SPMAP2L: variants seen among roughly 807,000 people sequenced by gnomAD.
SPMAP2L encodes sperm microtubule associated protein 2 like.
the SPMAP2L span, among the ~76,000 whole-genome samples, chr4:56,574,876 G>A: frequency 0.02 from 3,000 of 152,172 alleles, 118 homozygotes; most frequent in African/African-American, 0.068. Flanking sequence ...CAGCTACTCG[G>A]GAGGCTGAGG....
At chr4:56,545,278 T>C in the SPMAP2L span, among the ~76,000 whole-genome samples, 1 of 152,184 alleles carries the variant, frequency 6.6e-6, no homozygotes, top group East Asian at 1.9e-4. Context: ...TGACTATTTT[T>C]CTCTTTCCTT....
the SPMAP2L span, among the ~76,000 whole-genome samples, chr4:56,568,878 A>C: frequency 6.6e-6 from 1 of 152,164 alleles, no homozygotes; most frequent in African/African-American, 2.4e-5. Context: ...AAGTGTACTT[A>C]TTCTGGTAAT....
At chr4:56,595,503 A>C in the SPMAP2L span, 1 of 1,546,156 alleles carries the variant, frequency 6.5e-7, no homozygotes, top group South Asian at 1.1e-5. Context: ...AGATGTCTCC[A>C]CACTCCCTGA....
At chr4:56,603,581 T>C in the SPMAP2L span, 9 of 303,548 alleles carry the variant, frequency 3.0e-5, no homozygotes, top group Admixed American at 2.8e-4. Flanking sequence ...TCCTTACTGT[T>C]TCCTCACAAG....
the SPMAP2L span, chr4:56,593,508 G>C: frequency 6.2e-7 from 1 of 1,601,060 alleles, no homozygotes; most frequent in South Asian, 1.1e-5. Flanking sequence ...GAGCTCATCA[G>C]AGTGGGAGCC....
At chr4:56,563,619 G>C in the SPMAP2L span, among the ~76,000 whole-genome samples, 1 of 152,016 alleles carries the variant, frequency 6.6e-6, no homozygotes, top group African/African-American at 2.4e-5. Context: ...CCAGTTTAAG[G>C]TGGCCATTTC....
the SPMAP2L span, among the ~76,000 whole-genome samples, chr4:56,581,086 A>G: frequency 6.6e-6 from 1 of 152,116 alleles, no homozygotes; most frequent in Non-Finnish European, 1.5e-5. Context: ...AGAAAGTAAG[A>G]TGGCTGTTGC....
chr4:56,536,351 C>T, the SPMAP2L span, among the ~76,000 whole-genome samples: 15 of 152,244 alleles, frequency 9.9e-5, no homozygotes, highest in Non-Finnish European at 1.8e-4. Context: ...GATCATTTCA[C>T]TTGCTTTCTC....
chr4:56,606,230 CAT>C, the SPMAP2L span, among the ~76,000 whole-genome samples: 1 of 152,190 alleles, frequency 6.6e-6, no homozygotes, highest in African/African-American at 2.4e-5. Flanking sequence ...GTAGTGGGAA[CAT>C]ATGTTAAGTG....
the SPMAP2L span, among the ~76,000 whole-genome samples, chr4:56,613,242 G>T: frequency 6.6e-6 from 1 of 152,088 alleles, no homozygotes; most frequent in Non-Finnish European, 1.5e-5. Flanking sequence ...TTCCATCTGG[G>T]AGGGGTTGCC....
At chr4:56,589,163 ATTT>A in the SPMAP2L span, among the ~76,000 whole-genome samples, 1 of 151,586 alleles carries the variant, frequency 6.6e-6, no homozygotes, top group Non-Finnish European at 1.5e-5. Flanking sequence ...TAATTTTGGT[ATTT>A]TTAGTCGAGG....
At chr4:56,535,492 C>G in the SPMAP2L span, among the ~76,000 whole-genome samples, 90 of 152,228 alleles carry the variant, frequency 5.9e-4, no homozygotes, top group African/African-American at 2.1e-3. Context: ...GTGACGTACC[C>G]CCTGCTTGCT....
the SPMAP2L span, among the ~76,000 whole-genome samples, chr4:56,599,028 T>A: frequency 1.3e-5 from 2 of 152,110 alleles, no homozygotes; most frequent in African/African-American, 4.8e-5. Flanking sequence ...TCCGCCATGA[T>A]GGTGAGGCCT....
At chr4:56,575,692 G>A in the SPMAP2L span, 1 of 1,506,440 alleles carries the variant, frequency 6.6e-7, no homozygotes, top group Non-Finnish European at 8.9e-7. Flanking sequence ...TTGGCCAGAT[G>A]TCTTAGTATT....
At chr4:56,575,818 C>A in the SPMAP2L span, among the ~76,000 whole-genome samples, 1 of 152,144 alleles carries the variant, frequency 6.6e-6, no homozygotes, top group Non-Finnish European at 1.5e-5. Context: ...AGTTCATCTT[C>A]GGTAATTACA....
At chr4:56,603,388 T>A in the SPMAP2L span, 1 of 1,191,874 alleles carries the variant, frequency 8.4e-7, no homozygotes, top group Non-Finnish European at 1.1e-6. Context: ...ATGACTTAGT[T>A]CCCTGTTGCG....
the SPMAP2L span, among the ~76,000 whole-genome samples, chr4:56,559,730 G>A: frequency 5.4e-4 from 82 of 152,176 alleles, no homozygotes; most frequent in African/African-American, 2.0e-3. Flanking sequence ...ACCACACCCA[G>A]CTAATTTTTT....
chr4:56,593,250 A>G, the SPMAP2L span: 15 of 1,268,042 alleles, frequency 1.2e-5, no homozygotes, highest in Middle Eastern at 9.8e-4. Flanking sequence ...TCCCTGCTGG[A>G]TGAGGGACTG....
At chr4:56,574,624 G>C in the SPMAP2L span, among the ~76,000 whole-genome samples, 1 of 152,126 alleles carries the variant, frequency 6.6e-6, no homozygotes, top group South Asian at 2.1e-4. Flanking sequence ...AGATGCTAAA[G>C]GAAGTATTTG....
Sources: allele counts gnomAD v4.1 joint callset (sites outside exome capture counted in the v4.1 genomes callset), GRCh38; gene constraint gnomAD v4.1.1; transcripts MANE v1.5; gene names NCBI Gene and HGNC (gene_info 2026-07-23, HGNC 2026-07-21).